The following ERI3 variants were observed in gnomAD, a reference collection of about 807,000 sequenced individuals.
The protein encoded by ERI3 is ERI1 exoribonuclease 3.
ERI3 carries 18 observed loss-of-function variants against 44.4 expected under a neutral mutation model. The observed-to-expected ratio is 0.41, with a 90% confidence interval of 0.28 to 0.60. ERI3 has a LOEUF of 0.60. Among genes scored for constraint, ERI3 ranks in the 20% least tolerant of loss-of-function variants. The pLI, the probability that ERI3 is intolerant of heterozygous loss-of-function variation, is 0.36. For synonymous variants in ERI3, 183 were observed against 164.8 expected (o/e 1.11, Z -0.84); for missense variants, 294 against 435.5 (o/e 0.68, Z 2.89).
At chr1:44,306,152 A>G (rs1305405594) in intron 6 of ERI3, among the ~76,000 whole-genome samples, 1 of 152,144 alleles carries the variant, frequency 6.6e-6, no homozygotes, top group Non-Finnish European at 1.5e-5. Context: ...GCAGCCACAG[A>G]GCTCCCTCCC....
chr1:44,320,979 C>T (rs1372042273), intron 3 of ERI3, among the ~76,000 whole-genome samples: 2 of 152,090 alleles, frequency 1.3e-5, no homozygotes, highest in Non-Finnish European at 2.9e-5. Context: ...AAGACCTTTC[C>T]AGTATCATTA....
rs1458991761 is a variant in ERI3, at chr1:44,241,959, C to T, written c.931+5980G>A. 2.0e-6 allele frequency: 2 copies of T among 985,604 alleles called. No homozygotes were observed. The highest frequency in any genetic ancestry group is 3.5e-5 in the African/African-American group (2 of 57,234). 61.1% of individuals were successfully genotyped at this position (985,604 alleles called of 1,614,324 possible). On this transcript the variant is annotated intron_variant, in intron 8 of 8. Transcript: ENST00000372257. This position sits in a 1 kb window ranked among gnomAD's most constrained non-coding sequence, Gnocchi z 5.6. ...TCCATCTATGGTTGCTACTGAAGAACAGTCTGGTGTCTGGCAAGAACCAAT... is the reference window on the plus strand; with the variant it reads ...TCCATCTATGGTTGCTACTGAAGAATAGTCTGGTGTCTGGCAAGAACCAAT...
intron 8 of ERI3, among the ~76,000 whole-genome samples, chr1:44,227,412 C>G (rs1002639793): frequency 6.6e-6 from 1 of 152,076 alleles, no homozygotes; most frequent in Non-Finnish European, 1.5e-5. Flanking sequence ...GTTCTAGAAC[C>G]TCAACTGTTG....
rs747873551 is a variant in ERI3, at chr1:44,241,168, G to T, written c.931+6771C>A. On this transcript the variant is annotated intron_variant, in intron 8 of 8. Transcript: ENST00000372257. The surrounding 1 kb of genome is among the most constrained non-coding windows in gnomAD (Gnocchi z 5.6). The stretch of plus-strand genomic sequence containing the variant: ...CTGGCCTGGTCTGGGCCCTGACATT[G>T]TCTCTCACCTTAAACCAGTGGTAAT... 9.9e-5 allele frequency among the ~76,000 whole-genome samples: 15 copies of T among 152,190 alleles called. No individual in the cohort carries two copies. The highest frequency in any genetic ancestry group is 1.8e-4 in the Non-Finnish European group (12 of 68,030).
chr1:44,338,489 A>G (rs226064), intron 3 of ERI3, among the ~76,000 whole-genome samples: 87,160 of 152,126 alleles, frequency 0.57, 26,841 homozygotes, highest in East Asian at 0.74. Flanking sequence ...GGGCTGCTTG[A>G]GTGTCCTGGC....
chr1:44,312,894 C>A (rs566368020), intron 5 of ERI3, among the ~76,000 whole-genome samples: 1 of 152,380 alleles, frequency 6.6e-6, no homozygotes, highest in South Asian at 2.1e-4. Flanking sequence ...CCAGAGTCAG[C>A]CAGCATAGGG....
intron 6 of ERI3, among the ~76,000 whole-genome samples, chr1:44,306,704 A>G (rs1487121525): frequency 6.6e-6 from 1 of 152,258 alleles, no homozygotes; most frequent in Non-Finnish European, 1.5e-5. Context: ...CATCGTGCAC[A>G]GTTAAAGTAG....
At chr1:44,337,286 G>C (rs911533468) in intron 3 of ERI3, among the ~76,000 whole-genome samples, 7 of 152,216 alleles carry the variant, frequency 4.6e-5, no homozygotes, top group Admixed American at 4.6e-4. Flanking sequence ...AATCATATGT[G>C]ACAGAGATGT....
intron 3 of ERI3, among the ~76,000 whole-genome samples, chr1:44,322,055 G>T (rs775365235): frequency 1.3e-5 from 2 of 152,024 alleles, no homozygotes; most frequent in African/African-American, 4.8e-5. Flanking sequence ...GCTTAAAGTT[G>T]ATCTCTTTCC....
At chr1:44,329,463 T>A (rs1646384428) in intron 3 of ERI3, among the ~76,000 whole-genome samples, 1 of 152,180 alleles carries the variant, frequency 6.6e-6, no homozygotes. Context: ...TCATCAGCCC[T>A]ACCCACCCAT....
chr1:44,319,738 T>TC lies in ERI3; in HGVS notation c.495_496insG (p.Ile166AspfsTer16). ...TTTAGCTTTAGGATGGGGAACTCGA[T>TC]GATTTCCTGGAGTGCCAAAGATACA... On this transcript the variant is annotated frameshift_variant, in exon 4 of 9. Transcript: ENST00000372257. LOFTEE classifies it high-confidence loss of function. 6.2e-7 allele frequency: 1 copy of TC among 1,610,226 alleles called. No homozygotes were observed. The highest frequency in any genetic ancestry group is 8.5e-7 in the Non-Finnish European group (1 of 1,176,506).
Position 44,355,032 on chromosome 1 carries a change from CGCCCCCTCCTCGGGGCCAGCGCGGCAG to C in ERI3, c.-33_-7del, listed in dbSNP as rs1646970596. 1.4e-6 allele frequency: 2 copies of C among 1,383,266 alleles called. No individual in the cohort carries two copies. The highest frequency in any genetic ancestry group is 1.9e-6 in the Non-Finnish European group (2 of 1,064,322). The allele number at this position is 1,383,266 out of a possible 1,614,324, so 85.7% of individuals were successfully genotyped here. ...GCGGGAGAGGCTGTCGCCATGGCAA[CGCCCCCTCCTCGGGGCCAGCGCGGCAG>C]GCTCCCTCCAGGTGCAGGCCCCGAC... On this transcript the variant is annotated 5_prime_UTR_variant, in exon 1 of 9. Transcript: ENST00000372257.
chr1:44,238,219 G>A (rs1644350440), intron 8 of ERI3, among the ~76,000 whole-genome samples: 1 of 152,094 alleles, frequency 6.6e-6, no homozygotes, highest in Admixed American at 6.5e-5. Flanking sequence ...CTCGTAAATT[G>A]AGATTTATGG....
intron 6 of ERI3, among the ~76,000 whole-genome samples, chr1:44,306,730 C>G (rs325146): frequency 0.99 from 150,985 of 152,374 alleles, 74,816 homozygotes; most frequent in Middle Eastern, 1. Context: ...TCTGAAATGT[C>G]TGTGTTTGGA....
chr1:44,279,082 T>C (rs1645236428), intron 7 of ERI3, among the ~76,000 whole-genome samples: 1 of 152,258 alleles, frequency 6.6e-6, no homozygotes, highest in Admixed American at 6.5e-5. Flanking sequence ...TTATATTCTC[T>C]ATTTTTGACT....
chr1:44,259,920 T>TAGATAGAC (rs778936296), intron 7 of ERI3, among the ~76,000 whole-genome samples: 3,177 of 129,424 alleles, frequency 0.025, 48 homozygotes, highest in East Asian at 0.043. Context: ...GATAGATAGA[T>TAGATAGAC]AGACAGACAG....
At chr1:44,309,690 G>C (rs995990066) in intron 5 of ERI3, among the ~76,000 whole-genome samples, 3 of 151,448 alleles carry the variant, frequency 2.0e-5, no homozygotes, top group African/African-American at 7.3e-5. Flanking sequence ...TCAGCCTCCA[G>C]AGTAGCTGGG....
intron 5 of ERI3, among the ~76,000 whole-genome samples, chr1:44,308,887 T>A (rs1645895047): frequency 1.3e-5 from 2 of 152,192 alleles, no homozygotes; most frequent in Non-Finnish European, 2.9e-5. Context: ...ATTCACCAAA[T>A]GAAGGTGACA....
intron 8 of ERI3, among the ~76,000 whole-genome samples, chr1:44,226,960 T>C (rs1644059612): frequency 6.6e-6 from 1 of 152,222 alleles, no homozygotes; most frequent in Admixed American, 6.5e-5. Flanking sequence ...CCACCATTGA[T>C]TGAACTGTCA....
Sources: gnomAD v4.1 joint callset for allele counts (sites outside exome capture counted in the v4.1 genomes callset) on GRCh38, gnomAD v4.1.1 for gene constraint, Gnocchi (gnomAD v3.1) non-coding constraint, MANE v1.5 for transcripts, NCBI Gene and HGNC (gene_info 2026-07-23, HGNC 2026-07-21) for gene names.